Variants in GOLGA8S observed in about 807,000 individuals in gnomAD.
GOLGA8S encodes the protein golgin subfamily A member 8S.
Under a neutral mutation model 58.9 loss-of-function variants are expected in GOLGA8S, and 23 were observed. That is an observed-to-expected ratio of 0.39 (90% confidence interval 0.28 to 0.55). The LOEUF is 0.55. Among genes scored for constraint, GOLGA8S ranks in the 20% least tolerant of loss-of-function variants. GOLGA8S has a pLI of 0.63. For missense variants in GOLGA8S, 266 were observed against 514.2 expected, an observed-to-expected ratio of 0.52 and a Z score of 4.67; for synonymous variants, 84 against 195.7, an observed-to-expected ratio of 0.43 and a Z score of 4.76.
At chr15:23,365,803 C>G (rs3878849), downstream of GOLGA8S, 12,851 of 165,878 alleles carry the variant, frequency 0.077, 660 homozygotes, top group Non-Finnish European at 0.099. Flanking sequence ...GCAGGTATGT[C>G]CAGGATAGAG....
In GOLGA8S at chr15:23,364,099, G is replaced by C. The variant is rs1331678634; in HGVS notation, c.1348-244G>C. 2.2e-5 allele frequency among the ~76,000 whole-genome samples: 3 copies of C among 136,186 alleles called. 1 individual carries two copies. The highest frequency in any genetic ancestry group is 1.6e-4 in the Admixed American group (2 of 12,672). 89.3% of individuals were successfully genotyped at this position (136,186 alleles called of 152,430 possible). On this transcript the variant is annotated intron_variant, in intron 15 of 18. Transcript: ENST00000562295. ...AGTTACAAGAGCAGGTGAAAGAGCAGAGGGTGGCTGCCAGCGCCTGGCTCA... is the reference window on the plus strand; with the variant it reads ...AGTTACAAGAGCAGGTGAAAGAGCACAGGGTGGCTGCCAGCGCCTGGCTCA...
chr15:23,364,380 T>G (rs1475167888), exon 16 of GOLGA8S: 3 of 1,603,362 alleles, frequency 1.9e-6, no homozygotes, highest in Non-Finnish European at 2.5e-6. Flanking sequence ...AAGGCAGACC[T>G]GAGTGAGCTG....
At position 23,359,420 on chromosome 15, in the gene GOLGA8S, C is replaced by T. The variant is rs576357181; in HGVS notation, c.591+211C>T. Among the ~76,000 whole-genome samples, 24 of 146,968 alleles carry T rather than the reference C, an allele frequency of 1.6e-4. 1 individual carries two copies. Among genetic ancestry groups the T allele is most frequent in the African/African-American group, 3.3e-4 (13 of 39,386 alleles). ...GGCACTCTGGGGACAAAGCACAGGACGTAGAGCTTGGAGGCCAAGTGCCTG... is the reference window on the plus strand; with the variant it reads ...GGCACTCTGGGGACAAAGCACAGGATGTAGAGCTTGGAGGCCAAGTGCCTG... On this transcript the variant is annotated intron_variant, in intron 8 of 18. Transcript: ENST00000562295.
rs532026593 is a variant in GOLGA8S, at chr15:23,358,015, C to T, written c.309+396C>T. Among the ~76,000 whole-genome samples the T allele has an allele frequency of 2.0e-5, 3 of 150,598 alleles. No homozygotes were observed. In the South Asian group the frequency reaches 6.4e-4, roughly 32 times the overall value. ...ATGAAGTAGTGAGTATCAAAGGTCT[C>T]TGTTAGCTCTCGAGTCTGAGATTTA... On this transcript the variant is annotated intron_variant, in intron 4 of 18. Transcript: ENST00000562295.
chr15:23,365,406 C>T (rs1327259625), downstream of GOLGA8S: 3 of 579,740 alleles, frequency 5.2e-6, no homozygotes, highest in Non-Finnish European at 3.0e-6. Flanking sequence ...CGAGTTTGCC[C>T]TTACGTGGTG....
At chr15:23,364,192 G>A (rs1221496784) in intron 15 of GOLGA8S, 151 bp from the exon 16 acceptor site, 4 of 1,454,952 alleles carry the variant, frequency 2.7e-6, no homozygotes, top group East Asian at 2.6e-5. Context: ...GCCTGGGGGC[G>A]AGTCTGTGAG....
intron 15 of GOLGA8S, among the ~76,000 whole-genome samples, chr15:23,364,087 G>A (rs2069859947): frequency 7.4e-6 from 1 of 136,030 alleles, no homozygotes; most frequent in Non-Finnish European, 1.6e-5. Context: ...TACAAGAGCA[G>A]GTGAAAGAGC....
At chr15:23,361,499 T>C (rs1232663359) in intron 12 of GOLGA8S, 43 bp downstream of exon 12, 1 of 759,010 alleles carries the variant, frequency 1.3e-6, no homozygotes, top group South Asian at 1.4e-5. Flanking sequence ...TCCCTAGCCC[T>C]CCAGGCCTTT....
Position 23,360,656 on chromosome 15 carries a change from G to C in GOLGA8S, c.787-72G>C, listed in dbSNP as rs569080948. 46 of 1,231,128 alleles carry C rather than the reference G, an allele frequency of 3.7e-5. 1 individual carries two copies. The East Asian group carries it at 9.3e-4, about 25-fold the overall frequency. The allele number at this position is 1,231,128 out of a possible 1,614,324, so 76.3% of individuals were successfully genotyped here. The stretch of plus-strand genomic sequence containing the variant: ...ACTGGGCTTTGTGGAGGTGGGGGCA[G>C]AGAGGGAGAGGGCAGCCTGTCCAGC... On this transcript the variant is annotated intron_variant, in intron 10 of 18. Coordinates refer to ENST00000562295, the Ensembl canonical transcript of GOLGA8S.
In GOLGA8S at chr15:23,365,093, C is replaced by T; in HGVS notation, c.1837C>T (p.Pro613Ser). The change falls in exon 19 of 19, where the codon CCA (proline) becomes TCA (serine). Residue 613 changes from proline (P) to serine (S), a missense_variant. Physicochemically the swap from Pro to Ser is moderately conservative, Grantham distance 74. Around this residue, in one of 6 missense-constraint regions of GOLGA8S, gnomAD observed 36 missense variants for 39.6 expected, o/e 0.91. Coordinates refer to ENST00000562295, the Ensembl canonical transcript of GOLGA8S. ...AGGCTTGGGCAACAACTGCTGTGTG[C>T]CATTCTTTTGCTGGGCTTGGCTGCC... 3 of 1,584,214 alleles carry T rather than the reference C, an allele frequency of 1.9e-6. 1 individual carries two copies. The highest frequency in any genetic ancestry group is 2.6e-6 in the Non-Finnish European group (3 of 1,167,334).
Position 23,361,002 on chromosome 15 carries a change from G to A in GOLGA8S, c.874+187G>A, listed in dbSNP as rs545889245. Among the ~76,000 whole-genome samples, 283 of 149,382 alleles carry A rather than the reference G, an allele frequency of 1.9e-3. 8 individuals carry two copies. The highest frequency in any genetic ancestry group is 9.8e-4 in the Non-Finnish European group (66 of 67,072). ...GTGTCCCCATCAGCAAAGAGGGCCC[G>A]TTGTCAGCCACCCGCAGTGCTCTTT... On this transcript the variant is annotated intron_variant, in intron 11 of 18. Coordinates refer to ENST00000562295, the Ensembl canonical transcript of GOLGA8S.
At chr15:23,361,051 G>C (rs2069781703) in intron 11 of GOLGA8S, among the ~76,000 whole-genome samples, 170 bp from the exon 12 acceptor site, 1 of 149,910 alleles carries the variant, frequency 6.7e-6, no homozygotes, top group African/African-American at 2.5e-5. Flanking sequence ...TTGGAAGACT[G>C]GCTACCATCT....
chr15:23,364,465 A>C, intron 16 of GOLGA8S, 22 bp downstream of exon 16: 1 of 1,595,138 alleles, frequency 6.3e-7, no homozygotes, highest in Non-Finnish European at 8.5e-7. Context: ...GCCAGGGCAC[A>C]GCAGGGGGAG....
intron 15 of GOLGA8S, among the ~76,000 whole-genome samples, 160 bp from the exon 16 acceptor site, chr15:23,364,183 C>T (rs2069863839): frequency 1.4e-5 from 2 of 144,232 alleles, no homozygotes; most frequent in South Asian, 2.6e-4. Flanking sequence ...AGCCCCAGGG[C>T]CTGGGGGCGA....
downstream of GOLGA8S, chr15:23,365,322 A>G (rs2069902410): frequency 3.1e-6 from 2 of 651,922 alleles, no homozygotes; most frequent in East Asian, 5.4e-5. Flanking sequence ...TGTGGCTCTC[A>G]CTGATGTTCA....
At chr15:23,367,776 T>G (rs1382394236), downstream of GOLGA8S, among the ~76,000 whole-genome samples, 2 of 151,916 alleles carry the variant, frequency 1.3e-5, no homozygotes, top group Admixed American at 1.3e-4. Flanking sequence ...ATCAGAAACA[T>G]AGAATTTTAA....
chr15:23,357,389 G>T (rs1596014529), intron 3 of GOLGA8S, 34 bp downstream of exon 3: 2 of 1,093,078 alleles, frequency 1.8e-6, no homozygotes, highest in Non-Finnish European at 2.7e-6. Context: ...CAGTGACCCT[G>T]CAGGCCAGCC....
intron 4 of GOLGA8S, among the ~76,000 whole-genome samples, 188 bp downstream of exon 4, chr15:23,357,807 T>C (rs1206355717): frequency 6.7e-6 from 1 of 149,534 alleles, no homozygotes; most frequent in East Asian, 1.9e-4. Context: ...CCCTGTTTGC[T>C]GACTCTCCCC....
chr15:23,359,356 C>T, intron 8 of GOLGA8S, 147 bp downstream of exon 8: 4 of 662,172 alleles, frequency 6.0e-6, no homozygotes, highest in Non-Finnish European at 1.1e-5. Context: ...TTGTTAGCGG[C>T]AGCTTGGGAC....
Sources: allele counts gnomAD v4.1 joint callset (sites outside exome capture counted in the v4.1 genomes callset), GRCh38; gene constraint gnomAD v4.1.1; regional missense constraint gnomAD v4.1.1; transcripts MANE v1.5; gene names NCBI Gene and HGNC (gene_info 2026-07-23, HGNC 2026-07-21).